Variants in FHDC1 observed in about 807,000 individuals in gnomAD.
FHDC1 encodes the protein FH2 domain containing 1.
FHDC1 carries 25 observed loss-of-function variants against 52.6 expected under a neutral mutation model. The ratio of observed to expected loss-of-function variants is 0.48; its 90% CI spans 0.35 to 0.66. FHDC1 has a LOEUF of 0.66. FHDC1 is among the 30% of genes least tolerant of loss of function. FHDC1 has a pLI of 0.01. For synonymous variants in FHDC1, 616 were observed against 581.5 expected (o/e 1.06, Z -0.85); for missense variants, 1,459 against 1,452.8 (o/e 1.00, Z -0.07).
In FHDC1 at chr4:152,975,325, G is replaced by T; in HGVS notation, c.2034G>T (p.Gly678=). 1 of 1,613,658 alleles carries T rather than the reference G, an allele frequency of 6.2e-7. No individual in the cohort carries two copies. Among genetic ancestry groups the T allele is most frequent in the Non-Finnish European group, 8.5e-7 (1 of 1,180,038 alleles). Reference sequence around the variant, plus strand: ...TTAAGGAGCATGAGCTGGTGACAGGGCTGGCCCAGTTCAACCTCCAGGGTT... The same window carrying T: ...TTAAGGAGCATGAGCTGGTGACAGGTCTGGCCCAGTTCAACCTCCAGGGTT... The part of the protein sequence containing the change: ...LGIKEHELVT[G]LAQFNLQGSQ... The change falls in exon 12 of 12, where the codon GGG becomes GGT. Residue 678 remains glycine, a synonymous_variant. Transcript: ENST00000511601.
chr4:152,976,100 A>G lies in FHDC1; in HGVS notation c.2809A>G (p.Thr937Ala), dbSNP rs759729435. 2.6e-5 allele frequency: 42 copies of G among 1,610,238 alleles called. No individual in the cohort carries two copies. The highest frequency in any genetic ancestry group is 3.3e-5 in the Non-Finnish European group (39 of 1,178,694). The change falls in exon 12 of 12, where the codon ACT becomes GCT. Residue 937 changes from threonine (T) to alanine (A), a missense_variant. By Grantham distance (58) the Thr-to-Ala change is moderately conservative (BLOSUM62 0). This residue lies in a region of FHDC1 where 939 missense variants were observed against 854.5 expected (regional missense o/e 1.10). Coordinates refer to ENST00000511601, the MANE Select transcript of FHDC1 (RefSeq NM_001371116.1). ...PSQNPPSSTDTVWSRQNSVRR... is the reference protein window; with the variant it reads ...PSQNPPSSTDAVWSRQNSVRR... The stretch of plus-strand genomic sequence containing the variant: ...CCAGAATCCCCCCAGCAGCACAGAT[A>G]CTGTGTGGTCACGCCAGAACTCCGT...
At chr4:152,962,915 A>G (rs369698283) in intron 7 of FHDC1, 31 bp downstream of exon 7, 98 of 1,586,284 alleles carry the variant, frequency 6.2e-5, no homozygotes, top group Middle Eastern at 3.3e-4. Context: ...TTGTAATGTT[A>G]TGTTTTCAAC....
At chr4:152,938,431 G>T (rs1011894833) in intron 1 of FHDC1, among the ~76,000 whole-genome samples, 1 of 152,118 alleles carries the variant, frequency 6.6e-6, no homozygotes, top group African/African-American at 2.4e-5. Flanking sequence ...GCCCGACTGC[G>T]TAATTGTACC....
At chr4:152,918,937 T>G in the FHDC1 span, among the ~76,000 whole-genome samples, 2 of 152,364 alleles carry the variant, frequency 1.3e-5, no homozygotes, top group African/African-American at 2.4e-5. Context: ...ACCACCTGAT[T>G]CCACTAACAC....
intron 2 of FHDC1, among the ~76,000 whole-genome samples, chr4:152,943,868 T>C (rs1393315364): frequency 2.8e-5 from 4 of 144,068 alleles, no homozygotes; most frequent in African/African-American, 1.0e-4. Flanking sequence ...AGAATTCTGC[T>C]CAAGTCCGGA....
chr4:152,957,193 C>G (rs1206533150), intron 4 of FHDC1, among the ~76,000 whole-genome samples: 1 of 152,174 alleles, frequency 6.6e-6, no homozygotes, highest in Non-Finnish European at 1.5e-5. Flanking sequence ...GGCTCTCAGC[C>G]TATGTGTAAC....
At chr4:152,922,429 C>T in the FHDC1 span, among the ~76,000 whole-genome samples, 1 of 152,082 alleles carries the variant, frequency 6.6e-6, no homozygotes, top group African/African-American at 2.4e-5. Flanking sequence ...ATCAGAGGTA[C>T]AAGGAGGAAC....
At position 152,954,333 on chromosome 4, in the gene FHDC1, C is replaced by T. The variant is rs371774296; in HGVS notation, c.663+14C>T. The T allele has an allele frequency of 2.2e-5, 35 of 1,596,162 alleles. 1 individual carries two copies. The highest frequency in any genetic ancestry group is 8.0e-5 in the African/African-American group (6 of 74,580). ...GAGTCAGAAGAGGTAAGAAATTCAG[C>T]GCATGAGTTGTAGATGTTAGGAGTG... On this transcript the variant is annotated intron_variant, in intron 4 of 11. Coordinates refer to ENST00000511601, the MANE Select transcript of FHDC1 (RefSeq NM_001371116.1).
intron 7 of FHDC1, 24 bp downstream of exon 7, chr4:152,962,908 T>C (rs1740320921): frequency 1.9e-6 from 3 of 1,609,218 alleles, no homozygotes; most frequent in Non-Finnish European, 2.6e-6. Flanking sequence ...AAAACAATTG[T>C]AATGTTATGT....
chr4:152,966,659 A>C (rs1740465454), intron 9 of FHDC1, among the ~76,000 whole-genome samples: 1 of 152,020 alleles, frequency 6.6e-6, no homozygotes, highest in Non-Finnish European at 1.5e-5. Flanking sequence ...ACAGGGTTTC[A>C]CCATACTGGC....
chr4:152,948,252 A>C (rs555054150), intron 2 of FHDC1, among the ~76,000 whole-genome samples: 1 of 152,356 alleles, frequency 6.6e-6, no homozygotes, highest in South Asian at 2.1e-4. Context: ...TAGGTAAAGA[A>C]GCCCCCTTTG....
chr4:152,972,992 C>A (rs769745648), intron 11 of FHDC1, among the ~76,000 whole-genome samples: 3 of 152,150 alleles, frequency 2.0e-5, no homozygotes, highest in Non-Finnish European at 2.9e-5. Context: ...GCTCTGCTGC[C>A]GTCACTGTGG....
In FHDC1 at chr4:152,979,106, G is replaced by A. The variant is rs1033324396; in HGVS notation, c.*2383G>A. ...TGGATTTGTGGATAGCAGAGGGATC[G>A]GGACCTCTTGGAGGAACCCTGGGTA... On this transcript the variant is annotated 3_prime_UTR_variant, in exon 12 of 12. Transcript: ENST00000511601. 2 of 152,166 alleles carry A rather than the reference G, an allele frequency of 1.3e-5. No homozygotes were observed. The highest frequency in any genetic ancestry group is 6.5e-5 in the Admixed American group (1 of 15,290). 9.4% of individuals were successfully genotyped at this position (152,166 alleles called of 1,614,324 possible).
rs140542586 is a variant in FHDC1 at position 152,953,538 on chromosome 4, A to T, written c.538A>T (p.Ile180Leu). ...LDAKRSMNIG[I>L]FLKQFKKSPR... Reference sequence around the variant, plus strand: ...TGCAAAACGGAGCATGAACATTGGGATATTTCTTAAGCAATTTAAGAAGTA... The same window carrying T: ...TGCAAAACGGAGCATGAACATTGGGTTATTTCTTAAGCAATTTAAGAAGTA... The change falls in exon 3 of 12, where the codon ATA becomes TTA. Residue 180 changes from isoleucine (I) to leucine (L), a missense_variant. Coordinates refer to ENST00000511601, the MANE Select transcript of FHDC1 (RefSeq NM_001371116.1). The T allele has an allele frequency of 6.8e-6, 11 of 1,612,112 alleles. No homozygotes were observed. Among genetic ancestry groups the T allele is most frequent in the South Asian group, 1.1e-5 (1 of 91,046 alleles).
chr4:152,915,030 A>G, the FHDC1 span, among the ~76,000 whole-genome samples: 1 of 152,188 alleles, frequency 6.6e-6, no homozygotes, highest in South Asian at 2.1e-4. Context: ...TTATTTATAT[A>G]TGCTACTTTA....
Position 152,961,028 on chromosome 4 carries a change from G to T in FHDC1, c.850+184G>T, listed in dbSNP as rs80164874. The stretch of plus-strand genomic sequence containing the variant: ...TCCATTGACATTTTTCCCCTGTAAT[G>T]AATGTTAATTTACATATTACCCTCC... On this transcript the variant is annotated intron_variant, in intron 6 of 11. Coordinates refer to ENST00000511601, the MANE Select transcript of FHDC1 (RefSeq NM_001371116.1). Among the ~76,000 whole-genome samples, 50 of 152,320 alleles carry T rather than the reference G, an allele frequency of 3.3e-4. No individual in the cohort carries two copies. The East Asian group carries it at 9.4e-3, about 29-fold the overall frequency.
At chr4:152,920,376 G>A in the FHDC1 span, among the ~76,000 whole-genome samples, 3 of 152,240 alleles carry the variant, frequency 2.0e-5, no homozygotes, top group South Asian at 2.1e-4. Context: ...TTGGCTAAAG[G>A]TAGAATAGTA....
the FHDC1 span, among the ~76,000 whole-genome samples, chr4:152,931,002 C>T: frequency 3.8e-4 from 48 of 127,566 alleles, no homozygotes; most frequent in South Asian, 9.5e-3. Flanking sequence ...CACACACTCT[C>T]TCTCTCTCTC....
the FHDC1 span, among the ~76,000 whole-genome samples, chr4:152,919,306 A>C: frequency 6.6e-6 from 1 of 152,248 alleles, no homozygotes; most frequent in African/African-American, 2.4e-5. Context: ...CATACAAATC[A>C]TAAGGAGTGA....
Sources: gnomAD v4.1 joint callset for allele counts (sites outside exome capture counted in the v4.1 genomes callset) on GRCh38, gnomAD v4.1.1 for gene constraint, gnomAD v4.1.1 regional missense constraint, MANE v1.5 for transcripts, NCBI Gene and HGNC (gene_info 2026-07-23, HGNC 2026-07-21) for gene names.